The following TENM3 variants were observed in gnomAD, a reference collection of about 807,000 sequenced individuals.
The protein encoded by TENM3 is teneurin transmembrane protein 3.
TENM3 carries 63 observed loss-of-function variants against 255.1 expected under a neutral mutation model. The observed-to-expected ratio is 0.25, with a 90% CI of 0.20 to 0.30. The LOEUF is 0.30. Among genes scored for constraint, TENM3 ranks in the 10% least tolerant of loss-of-function variants. TENM3 has a pLI of 1.00. For synonymous variants in TENM3, 1,306 were observed against 1,322.3 expected, an observed-to-expected ratio of 0.99 and a Z score of 0.27; for missense variants, 2,929 against 3,461.1, an observed-to-expected ratio of 0.85 and a Z score of 3.86.
chr4:181,591,656 C>A, the TENM3 span, among the ~76,000 whole-genome samples: 1 of 152,216 alleles, frequency 6.6e-6, no homozygotes, highest in Non-Finnish European at 1.5e-5. Flanking sequence ...CGCCTCCCAT[C>A]ATTTCAGCCG....
At chr4:181,794,511 G>C in the TENM3 span, among the ~76,000 whole-genome samples, 1 of 152,144 alleles carries the variant, frequency 6.6e-6, no homozygotes, top group South Asian at 2.1e-4. Context: ...GACTTTTTTA[G>C]ATTCCACATA....
chr4:182,091,100 T>G, the TENM3 span, among the ~76,000 whole-genome samples: 1 of 152,202 alleles, frequency 6.6e-6, no homozygotes, highest in African/African-American at 2.4e-5. Context: ...ACATATCAGT[T>G]GACCGAGTTT....
chr4:182,163,603 G>A (rs1024274989), intron 1 of TENM3, among the ~76,000 whole-genome samples: 1 of 152,156 alleles, frequency 6.6e-6, no homozygotes, highest in Non-Finnish European at 1.5e-5. Flanking sequence ...ACCTCATGCT[G>A]CACTTTTAGT....
chr4:182,783,328 T>C (rs1765337077), intron 24 of TENM3, among the ~76,000 whole-genome samples: 1 of 151,152 alleles, frequency 6.6e-6, no homozygotes, highest in Admixed American at 6.6e-5. Context: ...TTAGTTTGGC[T>C]GGATATGAAA....
the TENM3 span, among the ~76,000 whole-genome samples, chr4:181,609,611 C>T: frequency 1.3e-5 from 2 of 152,200 alleles, no homozygotes; most frequent in African/African-American, 4.8e-5. Context: ...TTCCATAGTT[C>T]CCAGCCTTTT....
the TENM3 span, among the ~76,000 whole-genome samples, chr4:181,596,628 AG>A: frequency 6.6e-6 from 1 of 152,236 alleles, no homozygotes. Flanking sequence ...AAAAAAAATA[AG>A]ATCCTCATAT....
the TENM3 span, among the ~76,000 whole-genome samples, chr4:181,499,878 G>A: frequency 5.3e-5 from 8 of 152,160 alleles, no homozygotes; most frequent in African/African-American, 1.7e-4. Flanking sequence ...GCCGAAGAAA[G>A]GTAAACTTTC....
chr4:182,505,155 C>A (rs531587719), intron 3 of TENM3, among the ~76,000 whole-genome samples: 2 of 152,252 alleles, frequency 1.3e-5, no homozygotes, highest in East Asian at 3.9e-4. Flanking sequence ...AGCTTACAAG[C>A]CACATTACAA....
chr4:182,469,588 C>T (rs1245754307), intron 3 of TENM3, among the ~76,000 whole-genome samples: 11 of 152,058 alleles, frequency 7.2e-5, no homozygotes, highest in Non-Finnish European at 1.6e-4. Flanking sequence ...GTGGCGCTCA[C>T]CTGTAGTCCC....
chr4:182,458,343 C>A (rs1458681741), intron 3 of TENM3, among the ~76,000 whole-genome samples: 1 of 152,138 alleles, frequency 6.6e-6, no homozygotes, highest in Non-Finnish European at 1.5e-5. Flanking sequence ...TTTATTGAAC[C>A]TGGCAAAATG....
intron 3 of TENM3, among the ~76,000 whole-genome samples, chr4:182,408,952 C>T (rs985149176): frequency 2.0e-5 from 3 of 152,134 alleles, no homozygotes; most frequent in South Asian, 2.1e-4. Flanking sequence ...AACAAAGCAG[C>T]GAAGAGGCAG....
the TENM3 span, among the ~76,000 whole-genome samples, chr4:181,630,592 A>T: frequency 6.6e-6 from 1 of 152,218 alleles, no homozygotes; most frequent in South Asian, 2.1e-4. Flanking sequence ...TCATTTCGTT[A>T]TGTACCCAGT....
rs778615949 is a variant in TENM3 at position 182,755,119 on chromosome 4, G to A, written c.4752G>A (p.Val1584=). 6.2e-7 allele frequency: 1 copy of A among 1,613,988 alleles called. No homozygotes were observed. The highest frequency in any genetic ancestry group is 1.1e-5 in the South Asian group (1 of 91,078). ...PVRVVSPDNQ[V]IWLTIGTNGC... Reference sequence around the variant, plus strand: ...GAGTGGTGTCTCCTGATAACCAAGTGATATGGTTGACAATAGGAACAAATG... The same window carrying A: ...GAGTGGTGTCTCCTGATAACCAAGTAATATGGTTGACAATAGGAACAAATG... Residue 1584 remains valine (V), a synonymous_variant, in exon 22 of 28, where the codon GTG becomes GTA. Coordinates refer to ENST00000511685, the MANE Select transcript of TENM3 (RefSeq NM_001080477.4).
chr4:182,730,807 C>T, intron 15 of TENM3, 71 bp from the exon 16 acceptor site: 1 of 1,515,872 alleles, frequency 6.6e-7, no homozygotes, highest in Non-Finnish European at 9.0e-7. Context: ...AGCATATTAA[C>T]TTAAGGAGGT....
the TENM3 span, among the ~76,000 whole-genome samples, chr4:181,737,185 T>C: frequency 3.9e-5 from 6 of 152,128 alleles, no homozygotes; most frequent in Admixed American, 6.6e-5. Context: ...ACAGATATAT[T>C]GTTCCACTTA....
At chr4:182,419,339 C>A (rs576227795) in intron 3 of TENM3, among the ~76,000 whole-genome samples, 1,907 of 152,196 alleles carry the variant, frequency 0.013, 37 homozygotes, top group African/African-American at 0.043. Context: ...CACACCAGTT[C>A]GAATGGCAAT....
the TENM3 span, among the ~76,000 whole-genome samples, chr4:181,478,061 A>G: frequency 6.6e-6 from 1 of 152,352 alleles, no homozygotes; most frequent in Non-Finnish European, 1.5e-5. Context: ...AATTATAACC[A>G]TATCAATTAA....
rs73007710 is a variant in TENM3, at chr4:182,305,833, G to T, written c.-75-18113G>T. Among the ~76,000 whole-genome samples the T allele has an allele frequency of 1.0e-3, 153 of 152,306 alleles. 2 individuals carry two copies. Among genetic ancestry groups the T allele is most frequent in the African/African-American group, 3.5e-3 (144 of 41,560 alleles). On this transcript the variant is annotated intron_variant, in intron 1 of 27. Coordinates refer to ENST00000511685, the MANE Select transcript of TENM3 (RefSeq NM_001080477.4). Reference sequence around the variant, plus strand: ...CTTCACAGAAGCCCATTTCATGTAGGGCTTGGGAGGAAGTCGTTGCTATCC... The same window carrying T: ...CTTCACAGAAGCCCATTTCATGTAGTGCTTGGGAGGAAGTCGTTGCTATCC...
the TENM3 span, among the ~76,000 whole-genome samples, chr4:181,871,189 A>G: frequency 7.0e-6 from 1 of 143,438 alleles, no homozygotes; most frequent in African/African-American, 2.4e-5. Flanking sequence ...AAGTCCCCCA[A>G]TTTTATTCTT....
Sources: gnomAD v4.1 joint callset for allele counts (sites outside exome capture counted in the v4.1 genomes callset) on GRCh38, gnomAD v4.1.1 for gene constraint, MANE v1.5 for transcripts, NCBI Gene and HGNC (gene_info 2026-07-23, HGNC 2026-07-21) for gene names.